The following NPAT variants were observed in gnomAD, a reference collection of about 807,000 sequenced individuals.
The protein encoded by NPAT is protein NPAT.
Under a neutral mutation model 130.7 loss-of-function variants are expected in NPAT, and 52 were observed. That is an observed-to-expected ratio of 0.40 (90% CI 0.32 to 0.50). The LOEUF (loss-of-function observed/expected upper bound fraction) is 0.50. NPAT is among the 20% of genes least tolerant of loss of function. The probability of loss-of-function intolerance (pLI) is 0.68; values close to 1 mark genes in which losing one functional copy is unlikely to be tolerated. For missense variants in NPAT, 1,687 were observed against 1,662.6 expected, an observed-to-expected ratio of 1.01 and a Z score of -0.26; for synonymous variants, 580 against 584.8, an observed-to-expected ratio of 0.99 and a Z score of 0.12.
chr11:108,183,379 T>C (rs969533687), intron 10 of NPAT, among the ~76,000 whole-genome samples: 2 of 152,180 alleles, frequency 1.3e-5, no homozygotes, highest in African/African-American at 4.8e-5. Context: ...TCAATGGCTT[T>C]ACTCAGAATT....
chr11:108,185,578 A>G, intron 8 of NPAT, 84 bp from the exon 9 acceptor site: 3 of 910,998 alleles, frequency 3.3e-6, no homozygotes, highest in Non-Finnish European at 5.2e-6. Context: ...CAAACCGATA[A>G]GAGCTGGATA....
At chr11:108,202,143 A>C (rs1241303522) in intron 1 of NPAT, among the ~76,000 whole-genome samples, 1 of 152,226 alleles carries the variant, frequency 6.6e-6, no homozygotes, top group East Asian at 1.9e-4. Context: ...ATACTTTCCT[A>C]GTCCTCCCTG....
chr11:108,162,224 T>C (rs1591383317), intron 15 of NPAT, 44 bp from the exon 16 acceptor site: 1 of 1,535,916 alleles, frequency 6.5e-7, no homozygotes, highest in Non-Finnish European at 9.0e-7. Context: ...AATATACTCC[T>C]CTGAAAGAGG....
In NPAT at chr11:108,222,492, G is replaced by A. The variant is rs919916941; in HGVS notation, c.37+8C>T. On this transcript the variant is annotated splice_region_variant and intron_variant, in intron 1 of 17. Coordinates refer to ENST00000278612, the MANE Select transcript of NPAT (RefSeq NM_002519.3). ...TCCAATAACCCTCCATCCCGCGTCC[G>A]CGCTTACCCAATACAAGCCGGGCTA... 7 of 1,613,434 alleles carry A rather than the reference G, an allele frequency of 4.3e-6. No homozygotes were observed. The Admixed American group carries it at 1.2e-4, about 27-fold the overall frequency.
chr11:108,166,940 T>C (rs2077907597), intron 15 of NPAT, among the ~76,000 whole-genome samples: 1 of 152,210 alleles, frequency 6.6e-6, no homozygotes, highest in Non-Finnish European at 1.5e-5. Flanking sequence ...TTATGAAAGA[T>C]TTCAAATATT....
intron 7 of NPAT, 131 bp from the exon 8 acceptor site, chr11:108,186,700 G>T: frequency 1.3e-6 from 1 of 759,824 alleles, no homozygotes; most frequent in Non-Finnish European, 2.2e-6. Flanking sequence ...TCTGCAGGGG[G>T]CTGGTTTCAG....
chr11:108,172,159 A>G (rs781230001), intron 13 of NPAT, 40 bp downstream of exon 13: 22 of 1,567,358 alleles, frequency 1.4e-5, no homozygotes, highest in Non-Finnish European at 1.8e-5. Flanking sequence ...ATTAGATCCC[A>G]ACCCAGAGAA....
intron 10 of NPAT, among the ~76,000 whole-genome samples, chr11:108,182,930 A>C (rs368835313): frequency 6.6e-6 from 1 of 152,230 alleles, no homozygotes; most frequent in African/African-American, 2.4e-5. Flanking sequence ...ATTTATAAAG[A>C]AACAATAAGC....
chr11:108,216,616 T>C (rs535419868), intron 1 of NPAT, among the ~76,000 whole-genome samples: 16 of 151,148 alleles, frequency 1.1e-4, no homozygotes, highest in African/African-American at 3.6e-4. Flanking sequence ...ACAGTAAACC[T>C]TTTTCAGAAA....
chr11:108,161,971 T>G lies in NPAT; in HGVS notation c.3115A>C (p.Lys1039Gln). 6.2e-7 allele frequency: 1 copy of G among 1,603,752 alleles called. No individual in the cohort carries two copies. Among genetic ancestry groups the G allele is most frequent in the South Asian group, 1.1e-5 (1 of 89,464 alleles). ...AAGGGAACTGTGGTTTCTTCTGATT[T>G]TTTCCCAAGATCTGTGGCAATACTT... ...DKSIATDLGK[K>Q]SEETTVPFPE... Residue 1039 changes from lysine (K) to glutamine (Q), a missense_variant, in exon 17 of 18, where the codon AAA becomes CAA. Lys to Gln is a moderately conservative substitution (Grantham distance 53, BLOSUM62 1). Transcript: ENST00000278612.
chr11:108,219,819 T>C (rs1159163880), intron 1 of NPAT, among the ~76,000 whole-genome samples: 1 of 152,254 alleles, frequency 6.6e-6, no homozygotes, highest in African/African-American at 2.4e-5. Flanking sequence ...TTTGTTAGTA[T>C]ATTTTATCAA....
Position 108,188,121 on chromosome 11 carries a change from T to A in NPAT, c.615A>T (p.Leu205Phe), listed in dbSNP as rs2078126483. Residue 205 changes from leucine to phenylalanine, a missense_variant, in exon 7 of 18, where the codon TTA becomes TTT. Around this residue, in one of 3 missense-constraint regions of NPAT, gnomAD observed 307 missense variants for 298.9 expected, o/e 1.03. Transcript: ENST00000278612. ...ACCTTTTGCGTCTACCGGGAGACAT[T>A]AAACTGGCATGTGCTTTCTTTTCCT... Reference protein sequence around the residue: ...GAQEKKAHASLMSPGRRKSES... With the variant: ...GAQEKKAHASFMSPGRRKSES... 6.2e-7 allele frequency: 1 copy of A among 1,613,438 alleles called. No individual in the cohort carries two copies. The highest frequency in any genetic ancestry group is 1.1e-5 in the South Asian group (1 of 91,064).
chr11:108,168,389 C>T (rs1345129966), intron 15 of NPAT, among the ~76,000 whole-genome samples: 1 of 152,090 alleles, frequency 6.6e-6, no homozygotes, highest in Non-Finnish European at 1.5e-5. Flanking sequence ...TAAGAAAGAA[C>T]ATAAAAATAA....
At position 108,174,775 on chromosome 11, in the gene NPAT, C is replaced by T. The variant is rs548204835; in HGVS notation, c.1133-924G>A. Among the ~76,000 whole-genome samples the T allele has an allele frequency of 6.1e-3, 929 of 152,090 alleles. 6 individuals carry two copies. Among genetic ancestry groups the T allele is most frequent in the East Asian group, 0.01 (54 of 5,162 alleles). On this transcript the variant is annotated intron_variant, in intron 12 of 17. Coordinates refer to ENST00000278612, the MANE Select transcript of NPAT (RefSeq NM_002519.3). ...GATCACAGGTGCGCGCCAGCCACCA[C>T]ACCTGGCTAGCTTTTGTATTTTTAG...
intron 15 of NPAT, among the ~76,000 whole-genome samples, chr11:108,163,933 T>C (rs763936347): frequency 6.6e-6 from 1 of 152,222 alleles, no homozygotes; most frequent in Non-Finnish European, 1.5e-5. Flanking sequence ...GACAAACCTA[T>C]GTTTATAGCC....
In NPAT at chr11:108,161,704, A is replaced by G. The variant is rs2077852339; in HGVS notation, c.3382T>C (p.Leu1128=). Residue 1128 remains leucine, a synonymous_variant, in exon 17 of 18, where the codon TTA becomes CTA. Coordinates refer to ENST00000278612, the MANE Select transcript of NPAT (RefSeq NM_002519.3). ...CTAATGGCACTTTCCGATTTAGATA[A>G]AATCTTAGGCAGAGGAGGCTTCTCT... ...EKEKPPLPKI[L]SKSESAISRH... The G allele has an allele frequency of 6.2e-7, 1 of 1,613,702 alleles. No individual in the cohort carries two copies. Among genetic ancestry groups the G allele is most frequent in the Non-Finnish European group, 8.5e-7 (1 of 1,180,020 alleles).
intron 1 of NPAT, among the ~76,000 whole-genome samples, chr11:108,203,917 A>T (rs2078298751): frequency 6.6e-6 from 1 of 152,126 alleles, no homozygotes. Flanking sequence ...GTCCATGTAT[A>T]TTTAACCTCC....
Position 108,172,256 on chromosome 11 carries a change from G to A in NPAT, c.2728C>T (p.Pro910Ser), listed in dbSNP as rs779898890. The A allele has an allele frequency of 6.2e-6, 10 of 1,613,904 alleles. No individual in the cohort carries two copies. Among genetic ancestry groups the A allele is most frequent in the Admixed American group, 1.7e-5 (1 of 60,036 alleles). The change falls in exon 13 of 18, where the codon CCA becomes TCA. Residue 910 changes from proline (P) to serine (S), a missense_variant. Pro to Ser is a moderately conservative substitution (Grantham distance 74). This residue lies in a region of NPAT where 1,379 missense variants were observed against 1,346.6 expected (regional missense o/e 1.02). Transcript: ENST00000278612. Reference sequence around the variant, plus strand: ...ACAGCAAATACACTGTTTGACCTTGGTGGTGTCTGTAACTGAGGTGGTAGA... The same window carrying A: ...ACAGCAAATACACTGTTTGACCTTGATGGTGTCTGTAACTGAGGTGGTAGA... ...QPLPPQLQTP[P>S]RSNSVFAVNQ...
In NPAT at chr11:108,161,533, T is replaced by A; in HGVS notation, c.3553A>T (p.Lys1185Ter). 1 of 1,614,236 alleles carries A rather than the reference T, an allele frequency of 6.2e-7. No homozygotes were observed. Among genetic ancestry groups the A allele is most frequent in the Non-Finnish European group, 8.5e-7 (1 of 1,180,038 alleles). Residue 1185 changes from lysine (K) to a stop codon, truncating the protein, a stop_gained, in exon 17 of 18, where the codon AAA becomes TAA. Coordinates refer to ENST00000278612, the MANE Select transcript of NPAT (RefSeq NM_002519.3). LOFTEE classifies it high-confidence loss of function. ...VERQKNPENSKLSIGQQNGGL... is the reference protein window; with the variant it reads ...VERQKNPENS ...CCATTTTGCTGCCCAATAGATAGTTTTGAATTTTCTGGATTTTTCTGTCTT... is the reference window on the plus strand; with the variant it reads ...CCATTTTGCTGCCCAATAGATAGTTATGAATTTTCTGGATTTTTCTGTCTT...
Sources: allele counts gnomAD v4.1 joint callset (sites outside exome capture counted in the v4.1 genomes callset), GRCh38; gene constraint gnomAD v4.1.1; regional missense constraint gnomAD v4.1.1; transcripts MANE v1.5; gene names NCBI Gene and HGNC (gene_info 2026-07-23, HGNC 2026-07-21).